The following HK2 variants were observed in gnomAD, a reference collection of about 807,000 sequenced individuals.
HK2 encodes the protein hexokinase-2.
Under a neutral mutation model 92.9 loss-of-function variants are expected in HK2, and 42 were observed. That is an observed-to-expected ratio of 0.45 (90% CI 0.35 to 0.58). HK2 has a LOEUF of 0.58. Among genes scored for constraint, HK2 ranks in the 20% least tolerant of loss-of-function variants. The pLI, the probability that HK2 is intolerant of heterozygous loss-of-function variation, is 0.00. For missense variants in HK2, 978 were observed against 1,245.1 expected, an observed-to-expected ratio of 0.79 and a Z score of 3.23; for synonymous variants, 422 against 468.0, an observed-to-expected ratio of 0.90 and a Z score of 1.27.
chr2:74,883,016 C>A (rs1277162609), intron 12 of HK2, among the ~76,000 whole-genome samples: 1 of 152,114 alleles, frequency 6.6e-6, no homozygotes, highest in African/African-American at 2.4e-5. Flanking sequence ...TCTGGCACTC[C>A]CAGATGTTCT....
chr2:74,881,956 G>A, intron 11 of HK2, 97 bp downstream of exon 11: 1 of 1,477,264 alleles, frequency 6.8e-7, no homozygotes, highest in Non-Finnish European at 9.4e-7. Context: ...ACCCTGGGGA[G>A]GGCTAGCTGG....
intron 11 of HK2, 90 bp from the exon 12 acceptor site, chr2:74,882,030 A>AG: frequency 6.8e-7 from 1 of 1,470,612 alleles, no homozygotes; most frequent in Non-Finnish European, 9.5e-7. Flanking sequence ...TTCTGGGTGG[A>AG]AAGAAACATT....
chr2:74,864,601 G>C (rs755419255), intron 2 of HK2, among the ~76,000 whole-genome samples: 2 of 152,124 alleles, frequency 1.3e-5, no homozygotes, highest in African/African-American at 2.4e-5. Context: ...CCACTTCCTG[G>C]GTTCTAGTGA....
Position 74,873,796 on chromosome 2 carries a change from C to T in HK2, c.592-48C>T, listed in dbSNP as rs768279403. On this transcript the variant is annotated intron_variant, in intron 5 of 17. Coordinates refer to ENST00000290573, the MANE Select transcript of HK2 (RefSeq NM_000189.5). ...GATATATAGCTGGTGTTAGGAAAGT[C>T]GCCCTCTGTGATGATGAAGGTCAGA... 5.8e-5 allele frequency: 75 copies of T among 1,284,032 alleles called. 1 individual carries two copies. Among genetic ancestry groups the T allele is most frequent in the South Asian group, 1.7e-4 (14 of 83,952 alleles). The allele number at this position is 1,284,032 out of a possible 1,614,324, so 79.5% of individuals were successfully genotyped here.
chr2:74,887,521 A>AT (rs1412858560), intron 15 of HK2, among the ~76,000 whole-genome samples: 8 of 152,122 alleles, frequency 5.3e-5, no homozygotes, highest in Non-Finnish European at 8.8e-5. Context: ...GAGGTTAAAG[A>AT]TTAAGACTCA....
intron 11 of HK2, 49 bp from the exon 12 acceptor site, chr2:74,882,071 C>G (rs758938645): frequency 1.9e-6 from 3 of 1,573,416 alleles, no homozygotes; most frequent in South Asian, 2.2e-5. Context: ...CTGGGGGCAG[C>G]CTGCCCTGCC....
chr2:74,874,475 G>A, intron 7 of HK2, 26 bp downstream of exon 7: 1 of 1,567,764 alleles, frequency 6.4e-7, no homozygotes, highest in Non-Finnish European at 8.7e-7. Flanking sequence ...CTGTGCGAGT[G>A]GGCTTGGCGG....
At position 74,886,687 on chromosome 2, in the gene HK2, T is replaced by G; in HGVS notation, c.2219+14T>G. The G allele has an allele frequency of 6.2e-7, 1 of 1,613,462 alleles. No individual in the cohort carries two copies. The highest frequency in any genetic ancestry group is 1.1e-5 in the South Asian group (1 of 91,066). On this transcript the variant is annotated intron_variant, in intron 15 of 17. Transcript: ENST00000290573. Reference sequence around the variant, plus strand: ...CGGCAAGCAGAGGTAGGCACCCAACTGGGGCCCTGTTAAGTGTATCCCAGG... The same window carrying G: ...CGGCAAGCAGAGGTAGGCACCCAACGGGGGCCCTGTTAAGTGTATCCCAGG...
In HK2 at chr2:74,834,653, C is replaced by T; in HGVS notation, c.63+10C>T. The T allele has an allele frequency of 6.2e-7, 1 of 1,613,846 alleles. No homozygotes were observed. The highest frequency in any genetic ancestry group is 1.1e-5 in the South Asian group (1 of 91,084). ...TGACCAAGTGCAGAAGGTAAGTCAG[C>T]GCGGGCGGGGCGGCAGGCTGGGCTC... On this transcript the variant is annotated intron_variant, in intron 1 of 17. Coordinates refer to ENST00000290573, the MANE Select transcript of HK2 (RefSeq NM_000189.5). The surrounding 1 kb of genome is among the most constrained non-coding windows in gnomAD (Gnocchi z 4.2).
Position 74,834,786 on chromosome 2 carries a change from C to T in HK2, c.63+143C>T. On this transcript the variant is annotated intron_variant, in intron 1 of 17. Transcript: ENST00000290573. The surrounding 1 kb of genome is among the most constrained non-coding windows in gnomAD (Gnocchi z 4.2). ...AAAAAGTTTGGGCAGCCGGGACACT[C>T]CTGGGCGCCAGGAGCCACGTCCGCT... is the stretch of plus-strand genomic sequence containing the variant. The T allele has an allele frequency of 1.1e-6, 1 of 893,236 alleles. No homozygotes were observed. The highest frequency in any genetic ancestry group is 1.8e-6 in the Non-Finnish European group (1 of 553,114). The allele number at this position is 893,236 out of a possible 1,614,324, so 55.3% of individuals were successfully genotyped here.
intron 2 of HK2, among the ~76,000 whole-genome samples, chr2:74,857,346 G>T (rs1363046335): frequency 6.6e-6 from 1 of 152,198 alleles, no homozygotes; most frequent in South Asian, 2.1e-4. Flanking sequence ...TAAACCCTTG[G>T]TGTTCATTGG....
chr2:74,883,629 C>G (rs1176770582), intron 12 of HK2, among the ~76,000 whole-genome samples: 2 of 152,162 alleles, frequency 1.3e-5, no homozygotes, highest in Admixed American at 1.3e-4. Flanking sequence ...AGAGAATTCC[C>G]CATGTGCACT....
At chr2:74,858,624 C>T (rs975302062) in intron 2 of HK2, among the ~76,000 whole-genome samples, 1 of 152,204 alleles carries the variant, frequency 6.6e-6, no homozygotes, top group Non-Finnish European at 1.5e-5. Context: ...GTGTAAGACT[C>T]CCAGGTTTTA....
At chr2:74,883,756 GT>G (rs1166381101) in intron 12 of HK2, among the ~76,000 whole-genome samples, 2 of 152,222 alleles carry the variant, frequency 1.3e-5, no homozygotes, top group Non-Finnish European at 2.9e-5. Flanking sequence ...TATGCCTCAT[GT>G]GGACAAATTC....
chr2:74,875,333 T>TG (rs1689201536), intron 7 of HK2, among the ~76,000 whole-genome samples: 1 of 147,368 alleles, frequency 6.8e-6, no homozygotes, highest in Non-Finnish European at 1.5e-5. Context: ...TTTCGTTTTT[T>TG]TTTTTTTTTT....
At chr2:74,874,842 A>G (rs1689187753) in intron 7 of HK2, among the ~76,000 whole-genome samples, 1 of 152,028 alleles carries the variant, frequency 6.6e-6, no homozygotes, top group Non-Finnish European at 1.5e-5. Flanking sequence ...CAACTCCATC[A>G]CCACCCAGAG....
At chr2:74,865,142 A>G (rs900802844) in intron 2 of HK2, among the ~76,000 whole-genome samples, 3 of 152,196 alleles carry the variant, frequency 2.0e-5, no homozygotes, top group South Asian at 2.1e-4. Context: ...GTCATTGGCT[A>G]TGGTGGTTGT....
At chr2:74,890,151 G>C (rs1379878149) in intron 17 of HK2, among the ~76,000 whole-genome samples, 2 of 152,108 alleles carry the variant, frequency 1.3e-5, no homozygotes, top group Non-Finnish European at 2.9e-5. Context: ...GATTGGGAGG[G>C]GGCAGAAGCC....
chr2:74,854,130 A>G (rs952530371), intron 1 of HK2, among the ~76,000 whole-genome samples, 163 bp from the exon 2 acceptor site: 2 of 151,636 alleles, frequency 1.3e-5, no homozygotes, highest in Non-Finnish European at 2.9e-5. Context: ...TTTTTTTAAG[A>G]CAAAGTCCTG....
Sources: gnomAD v4.1 joint callset for allele counts (sites outside exome capture counted in the v4.1 genomes callset) on GRCh38, gnomAD v4.1.1 for gene constraint, Gnocchi (gnomAD v3.1) non-coding constraint, MANE v1.5 for transcripts, NCBI Gene and HGNC (gene_info 2026-07-23, HGNC 2026-07-21) for gene names.